The following DSCAM variants were observed in gnomAD, a reference collection of about 807,000 sequenced individuals.
DSCAM encodes DS cell adhesion molecule, also known as cell adhesion molecule DSCAM.
DSCAM carries 47 observed loss-of-function variants against 217.7 expected under a neutral mutation model. The ratio of observed to expected loss-of-function variants is 0.22; its 90% CI spans 0.17 to 0.28. The LOEUF is 0.28. Among genes scored for constraint, DSCAM ranks in the 10% least tolerant of loss-of-function variants. The probability of loss-of-function intolerance (pLI) is 1.00; values close to 1 mark genes in which losing one functional copy is unlikely to be tolerated. For missense variants in DSCAM, 2,080 were observed against 2,618.3 expected (o/e 0.79, Z 4.49); for synonymous variants, 1,056 against 1,015.3 (o/e 1.04, Z -0.76).
At chr21:40,058,602 T>C (rs2050277027) in intron 28 of DSCAM, among the ~76,000 whole-genome samples, 1 of 152,218 alleles carries the variant, frequency 6.6e-6, no homozygotes. Context: ...CTGAGTGAGA[T>C]GTCCCCAAGA....
intron 20 of DSCAM, among the ~76,000 whole-genome samples, chr21:40,107,701 T>C (rs565278545): frequency 3.3e-5 from 5 of 152,270 alleles, no homozygotes; most frequent in African/African-American, 1.2e-4. Context: ...TGGATGTATA[T>C]ATATTTAGGA....
intron 16 of DSCAM, among the ~76,000 whole-genome samples, chr21:40,162,990 T>C (rs923916864): frequency 5.9e-5 from 9 of 152,126 alleles, no homozygotes; most frequent in African/African-American, 2.2e-4. Flanking sequence ...AATTGCATTC[T>C]CTGGATAAAT....
At position 40,035,243 on chromosome 21, in the gene DSCAM, C is replaced by T. The variant is rs200722586; in HGVS notation, c.5686+7128G>A. Among the ~76,000 whole-genome samples, 3 of 113,674 alleles carry T rather than the reference C, an allele frequency of 2.6e-5. No homozygotes were observed. In the East Asian group the frequency reaches 6.5e-4, roughly 24 times the overall value. The allele number at this position is 113,674 out of a possible 152,430, so 74.6% of individuals were successfully genotyped here. ...GCAAATTGGATAAAGAGTCAAGACC[C>T]ATCAGTGTGCTGTATTCAGGAAACC... is the stretch of plus-strand genomic sequence containing the variant. On this transcript the variant is annotated intron_variant, in intron 32 of 32. Transcript: ENST00000400454.
At chr21:40,819,790 G>C (rs556508312) in intron 1 of DSCAM, among the ~76,000 whole-genome samples, 4 of 152,164 alleles carry the variant, frequency 2.6e-5, no homozygotes, top group Admixed American at 6.5e-5. Flanking sequence ...CACTCATATT[G>C]TGCCTCATTA....
At chr21:40,210,022 C>A (rs994650177) in intron 11 of DSCAM, among the ~76,000 whole-genome samples, 5 of 151,838 alleles carry the variant, frequency 3.3e-5, no homozygotes, top group Non-Finnish European at 7.4e-5. Flanking sequence ...TTTCCAGTTA[C>A]CCACTAACTC....
At chr21:40,114,628 C>T (rs1211223557) in intron 20 of DSCAM, among the ~76,000 whole-genome samples, 1 of 152,150 alleles carries the variant, frequency 6.6e-6, no homozygotes, top group African/African-American at 2.4e-5. Flanking sequence ...GAACAGGCAA[C>T]CTACAGAATG....
intron 10 of DSCAM, among the ~76,000 whole-genome samples, chr21:40,282,973 T>G (rs1225338753): frequency 6.6e-6 from 1 of 152,220 alleles, no homozygotes; most frequent in Non-Finnish European, 1.5e-5. Flanking sequence ...AAATCTTTTC[T>G]TCATCAGAAA....
At chr21:40,589,867 G>A (rs539729213) in intron 3 of DSCAM, among the ~76,000 whole-genome samples, 1 of 152,232 alleles carries the variant, frequency 6.6e-6, no homozygotes, top group South Asian at 2.1e-4. Context: ...GCTTATGTCT[G>A]GATAACATAG....
intron 3 of DSCAM, among the ~76,000 whole-genome samples, chr21:40,464,740 C>T (rs900464978): frequency 6.7e-6 from 1 of 149,990 alleles, no homozygotes; most frequent in Admixed American, 6.6e-5. Context: ...TCCCCAGAAC[C>T]ATCTTTTTTT....
chr21:40,220,911 AC>A (rs1360871570), intron 11 of DSCAM, among the ~76,000 whole-genome samples: 4 of 152,146 alleles, frequency 2.6e-5, no homozygotes, highest in Non-Finnish European at 5.9e-5. Context: ...TACTTTTACA[AC>A]GTGTTGTCTG....
At chr21:40,238,673 C>T (rs1366855029) in intron 11 of DSCAM, among the ~76,000 whole-genome samples, 1 of 152,192 alleles carries the variant, frequency 6.6e-6, no homozygotes, top group Non-Finnish European at 1.5e-5. Flanking sequence ...CAACACCATC[C>T]AGAAGCATCT....
chr21:40,353,746 G>C lies in DSCAM; in HGVS notation c.656-3C>G, dbSNP rs533002214. ...GGATGGGGCTGAGTTCGCTGGGTCT[G>C]TAGAAGAAATAAAAACTCTTAGAGG... On this transcript the variant is annotated splice_polypyrimidine_tract_variant and splice_region_variant and intron_variant, in intron 4 of 32. Coordinates refer to ENST00000400454, the MANE Select transcript of DSCAM (RefSeq NM_001389.5). 1 of 1,530,938 alleles carries C rather than the reference G, an allele frequency of 6.5e-7. No individual in the cohort carries two copies. The highest frequency in any genetic ancestry group is 1.3e-5 in the South Asian group (1 of 78,384). The allele number at this position is 1,530,938 out of a possible 1,614,324, so 94.8% of individuals were successfully genotyped here. A position where few individuals can be genotyped will look rare whatever the true frequency, so the allele number is the denominator to read the frequency against.
At chr21:40,219,244 T>C (rs1016388609) in intron 11 of DSCAM, among the ~76,000 whole-genome samples, 2 of 152,222 alleles carry the variant, frequency 1.3e-5, no homozygotes, top group Non-Finnish European at 2.9e-5. Flanking sequence ...CCTGTGGCTT[T>C]TGTCTTTAGT....
chr21:40,712,839 G>C (rs555178847), intron 1 of DSCAM, among the ~76,000 whole-genome samples: 1 of 150,922 alleles, frequency 6.6e-6, no homozygotes, highest in African/African-American at 2.4e-5. Context: ...GAGAGAAGGT[G>C]GGGGGTACAG....
chr21:40,513,637 C>T (rs896166732), intron 3 of DSCAM, among the ~76,000 whole-genome samples: 7 of 152,112 alleles, frequency 4.6e-5, no homozygotes, highest in South Asian at 2.1e-4. Context: ...AGAACTCGCT[C>T]ATTATCACAG....
chr21:40,424,162 C>G (rs554599751), intron 3 of DSCAM, among the ~76,000 whole-genome samples: 2 of 152,282 alleles, frequency 1.3e-5, no homozygotes, highest in East Asian at 3.9e-4. Flanking sequence ...CCTTTTAAAA[C>G]AGATTTCTTT....
At chr21:40,591,345 T>A (rs2076983210) in intron 3 of DSCAM, among the ~76,000 whole-genome samples, 1 of 152,216 alleles carries the variant, frequency 6.6e-6, no homozygotes. Flanking sequence ...AGGCTGGGAA[T>A]TCCAAGATCA....
intron 8 of DSCAM, among the ~76,000 whole-genome samples, chr21:40,325,429 C>G (rs1248151620): frequency 1.3e-5 from 2 of 152,000 alleles, no homozygotes; most frequent in Non-Finnish European, 2.9e-5. Context: ...AGAACAAATA[C>G]AGAAAAAAAT....
intron 3 of DSCAM, among the ~76,000 whole-genome samples, chr21:40,549,081 C>T (rs749590530): frequency 3.3e-5 from 5 of 151,958 alleles, no homozygotes; most frequent in Admixed American, 6.6e-5. Flanking sequence ...GGTGTGCGCC[C>T]GAGGTCCCAG....
Sources: gnomAD v4.1 joint callset for allele counts (sites outside exome capture counted in the v4.1 genomes callset) on GRCh38, gnomAD v4.1.1 for gene constraint, MANE v1.5 for transcripts, NCBI Gene and HGNC (gene_info 2026-07-23, HGNC 2026-07-21) for gene names.